The following SLCO1B1 variants were observed in gnomAD, a reference collection of about 807,000 sequenced individuals.
SLCO1B1 encodes the protein OATP-2.
SLCO1B1 carries 81 observed loss-of-function variants against 70.1 expected under a neutral mutation model. The ratio of observed to expected loss-of-function variants is 1.16; its 90% CI spans 0.97 to 1.39. The LOEUF (loss-of-function observed/expected upper bound fraction) is 1.39. Among genes scored for constraint, SLCO1B1 ranks in the 40% most tolerant of loss-of-function variants. SLCO1B1 has a pLI of 0.00. For synonymous variants in SLCO1B1, 283 were observed against 271.5 expected (o/e 1.04, Z -0.42); for missense variants, 895 against 799.6 (o/e 1.12, Z -1.44).
At chr12:21,202,815 A>G (rs1446791488) in intron 10 of SLCO1B1, 129 bp downstream of exon 10, 2 of 712,178 alleles carry the variant, frequency 2.8e-6, no homozygotes, top group Non-Finnish European at 4.5e-6. Flanking sequence ...TTTCAATTTT[A>G]AAATTTTTAA....
At chr12:21,236,810 C>A (rs1941600237) in intron 14 of SLCO1B1, among the ~76,000 whole-genome samples, 1 of 152,156 alleles carries the variant, frequency 6.6e-6, no homozygotes, top group African/African-American at 2.4e-5. Context: ...CTGAGGAGAA[C>A]TGTAATTTGA....
At chr12:21,232,459 A>G (rs1236411822) in intron 14 of SLCO1B1, among the ~76,000 whole-genome samples, 2 of 152,176 alleles carry the variant, frequency 1.3e-5, no homozygotes, top group African/African-American at 4.8e-5. Context: ...CTCATCCAGT[A>G]TAGGTTTCAG....
chr12:21,233,519 A>G (rs1941563153), intron 14 of SLCO1B1, among the ~76,000 whole-genome samples: 1 of 141,330 alleles, frequency 7.1e-6, no homozygotes, highest in Non-Finnish European at 1.6e-5. Context: ...ATTAGAGCTA[A>G]CCAACACCTC....
Position 21,196,943 on chromosome 12 carries a change from T to C in SLCO1B1, c.728-3T>C. ...GACTGGCTTCTATAATTATTTATTC[T>C]AGGCACTATCAGGATAACTCCTACT... is the stretch of plus-strand genomic sequence containing the variant. On this transcript the variant is annotated splice_region_variant and splice_polypyrimidine_tract_variant and intron_variant, in intron 7 of 14. Transcript: ENST00000256958. The C allele has an allele frequency of 6.2e-7, 1 of 1,613,300 alleles. No homozygotes were observed. Among genetic ancestry groups the C allele is most frequent in the Non-Finnish European group, 8.5e-7 (1 of 1,179,396 alleles).
At chr12:21,214,072 A>G (rs370156245) in intron 11 of SLCO1B1, among the ~76,000 whole-genome samples, 2 of 151,664 alleles carry the variant, frequency 1.3e-5, no homozygotes, top group African/African-American at 4.8e-5. Flanking sequence ...CGTCAAAGTC[A>G]TTCTCCATCC....
At chr12:21,228,726 G>T (rs75099577) in intron 14 of SLCO1B1, among the ~76,000 whole-genome samples, 4,134 of 152,276 alleles carry the variant, frequency 0.027, 180 homozygotes, top group African/African-American at 0.093. Context: ...GAGAAAAAGC[G>T]AAGGAACAGC....
chr12:21,197,448 A>G (rs1941107133), intron 8 of SLCO1B1, among the ~76,000 whole-genome samples: 1 of 152,124 alleles, frequency 6.6e-6, no homozygotes, highest in Non-Finnish European at 1.5e-5. Context: ...ATTTTTTATG[A>G]GCCAAATAGT....
At chr12:21,234,199 C>T (rs914146018) in intron 14 of SLCO1B1, among the ~76,000 whole-genome samples, 9 of 152,032 alleles carry the variant, frequency 5.9e-5, no homozygotes, top group Admixed American at 5.9e-4. Context: ...GGAGTTGATA[C>T]TGTCCTCTCG....
At chr12:21,201,964 GACCA>G (rs1941163598) in intron 9 of SLCO1B1, among the ~76,000 whole-genome samples, 1 of 152,114 alleles carries the variant, frequency 6.6e-6, no homozygotes, top group Admixed American at 6.6e-5. Context: ...CAACCCAAAT[GACCA>G]CCAATCATAG....
rs1378508214 is a variant in SLCO1B1 at position 21,197,177 on chromosome 12, A to G, written c.959A>G (p.Lys320Arg). 9 of 1,613,070 alleles carry G rather than the reference A, an allele frequency of 5.6e-6. No individual in the cohort carries two copies. Among genetic ancestry groups the G allele is most frequent in the Non-Finnish European group, 7.6e-6 (9 of 1,179,474 alleles). Reference protein sequence around the residue: ...NLTNQGKNITKNVTGFFQSFK... With the variant: ...NLTNQGKNITRNVTGFFQSFK... ...ACCAATCAAGGAAAAAATATTACCAAAAATGTGACTGGTAAGTATTTAACA... is the reference window on the plus strand; with the variant it reads ...ACCAATCAAGGAAAAAATATTACCAGAAATGTGACTGGTAAGTATTTAACA... The change falls in exon 8 of 15, where the codon AAA becomes AGA. Residue 320 changes from lysine to arginine, a missense_variant. Transcript: ENST00000256958.
At chr12:21,133,611 A>G (rs1203051651) in intron 1 of SLCO1B1, among the ~76,000 whole-genome samples, 1 of 151,998 alleles carries the variant, frequency 6.6e-6, no homozygotes, top group Non-Finnish European at 1.5e-5. Flanking sequence ...ATGGGAGTTC[A>G]CTCATGATTT....
intron 11 of SLCO1B1, among the ~76,000 whole-genome samples, chr12:21,214,427 C>G (rs535112414): frequency 3.4e-5 from 5 of 147,454 alleles, no homozygotes; most frequent in East Asian, 2.0e-4. Context: ...GTTCTCAGAT[C>G]TCCAGCTGCG....
chr12:21,172,655 C>G lies in SLCO1B1; in HGVS notation c.90C>G (p.Phe30Leu). The stretch of plus-strand genomic sequence containing the variant: ...TTCCTTCTGATTTTTCTTAGATGTT[C>G]TTGGCAGCTCTGTCACTCAGCTTTA... Reference protein sequence around the residue: ...KTRYCNGLKMFLAALSLSFIA... With the variant: ...KTRYCNGLKMLLAALSLSFIA... The change falls in exon 3 of 15, where the codon TTC (phenylalanine) becomes TTG (leucine). Residue 30 changes from phenylalanine to leucine, a missense_variant. Transcript: ENST00000256958. 6.2e-7 allele frequency: 1 copy of G among 1,613,544 alleles called. No homozygotes were observed. The highest frequency in any genetic ancestry group is 8.5e-7 in the Non-Finnish European group (1 of 1,179,810).
intron 2 of SLCO1B1, among the ~76,000 whole-genome samples, chr12:21,151,163 G>A (rs991133611): frequency 2.0e-5 from 3 of 152,108 alleles, no homozygotes; most frequent in Non-Finnish European, 4.4e-5. Flanking sequence ...ACAACACAGT[G>A]ATATTGGTGT....
intron 1 of SLCO1B1, among the ~76,000 whole-genome samples, chr12:21,138,459 A>G (rs1044390205): frequency 6.6e-6 from 1 of 152,232 alleles, no homozygotes; most frequent in Non-Finnish European, 1.5e-5. Flanking sequence ...TTAAATGTCA[A>G]GGTGAATTAG....
intron 7 of SLCO1B1, among the ~76,000 whole-genome samples, chr12:21,195,491 G>A (rs1339999195): frequency 2.0e-5 from 3 of 152,056 alleles, no homozygotes; most frequent in Non-Finnish European, 2.9e-5. Context: ...GCAGGGAGGA[G>A]CTGTAGCAAG....
chr12:21,145,973 G>A (rs1280643338), intron 2 of SLCO1B1, among the ~76,000 whole-genome samples: 1 of 152,018 alleles, frequency 6.6e-6, no homozygotes, highest in Non-Finnish European at 1.5e-5. Flanking sequence ...AAATGAGATA[G>A]GAAGTATTTT....
intron 14 of SLCO1B1, among the ~76,000 whole-genome samples, chr12:21,228,998 A>AT (rs1367327252): frequency 6.6e-6 from 1 of 151,896 alleles, no homozygotes; most frequent in Non-Finnish European, 1.5e-5. Flanking sequence ...GTAAAGTGGA[A>AT]TTTAAAAAAA....
intron 1 of SLCO1B1, among the ~76,000 whole-genome samples, chr12:21,140,161 A>G (rs1940287844): frequency 6.6e-6 from 1 of 152,136 alleles, no homozygotes. Context: ...ATGGTTCAAT[A>G]TTTGCTAATT....
Sources: gnomAD v4.1 joint callset for allele counts (sites outside exome capture counted in the v4.1 genomes callset) on GRCh38, gnomAD v4.1.1 for gene constraint, MANE v1.5 for transcripts, NCBI Gene and HGNC (gene_info 2026-07-23, HGNC 2026-07-21) for gene names.